ALK: variants seen among roughly 807,000 people sequenced by gnomAD.
ALK encodes ALK tyrosine kinase receptor.
Under a neutral mutation model 163.1 loss-of-function variants are expected in ALK, and 74 were observed. The ratio of observed to expected loss-of-function variants is 0.45; its 90% CI spans 0.38 to 0.55. ALK has a LOEUF of 0.55. Ranked by LOEUF, ALK falls within the 20% of genes least tolerant of loss-of-function variation. The pLI is 0.00. For missense variants in ALK, 2,063 were observed against 2,105.3 expected, an observed-to-expected ratio of 0.98 and a Z score of 0.39; for synonymous variants, 960 against 843.2, an observed-to-expected ratio of 1.14 and a Z score of -2.40.
intron 3 of ALK, among the ~76,000 whole-genome samples, chr2:29,542,493 A>C (rs1415358802): frequency 6.6e-6 from 1 of 152,162 alleles, no homozygotes; most frequent in Non-Finnish European, 1.5e-5. Context: ...GAATCATTGA[A>C]TATTTGAAAT....
intron 11 of ALK, among the ~76,000 whole-genome samples, chr2:29,262,631 G>T (rs551410159): frequency 8.5e-5 from 13 of 152,356 alleles, no homozygotes; most frequent in Admixed American, 2.0e-4. Flanking sequence ...CAGAGTGCCT[G>T]ATAATGCTGA....
At chr2:29,578,274 G>C (rs1032797806) in intron 3 of ALK, among the ~76,000 whole-genome samples, 1 of 152,146 alleles carries the variant, frequency 6.6e-6, no homozygotes, top group Admixed American at 6.5e-5. Context: ...TAATTGTGAG[G>C]CCTCCCCAGC....
intron 4 of ALK, among the ~76,000 whole-genome samples, chr2:29,478,110 G>C (rs1671572255): frequency 6.6e-6 from 1 of 152,214 alleles, no homozygotes; most frequent in Non-Finnish European, 1.5e-5. Flanking sequence ...CCCCAGGTTT[G>C]CTGCCTGTGG....
intron 2 of ALK, among the ~76,000 whole-genome samples, chr2:29,709,382 G>C (rs149460759): frequency 3.3e-5 from 5 of 152,154 alleles, no homozygotes; most frequent in Admixed American, 6.5e-5. Flanking sequence ...AAGGCTGTAG[G>C]TTGGGAATTG....
At chr2:29,221,614 T>C (rs74612664) in intron 22 of ALK, among the ~76,000 whole-genome samples, 3,631 of 152,284 alleles carry the variant, frequency 0.024, 68 homozygotes, top group Non-Finnish European at 0.038. Context: ...AGAAAATAAA[T>C]GTTATTTTGT....
intron 11 of ALK, among the ~76,000 whole-genome samples, chr2:29,266,080 A>C (rs934825372): frequency 6.6e-6 from 1 of 152,268 alleles, no homozygotes; most frequent in South Asian, 2.1e-4. Flanking sequence ...AATTTTCGTG[A>C]ACAAGGTTTT....
At chr2:29,805,216 A>T (rs1664577339) in intron 1 of ALK, among the ~76,000 whole-genome samples, 1 of 152,254 alleles carries the variant, frequency 6.6e-6, no homozygotes, top group African/African-American at 2.4e-5. Context: ...CATAACAGAC[A>T]AGGAGTCCTT....
chr2:29,296,214 C>T (rs531257329), intron 9 of ALK, among the ~76,000 whole-genome samples: 9 of 152,312 alleles, frequency 5.9e-5, no homozygotes, highest in African/African-American at 2.2e-4. Context: ...GTCACAGAGG[C>T]CATTAGTGAT....
At chr2:29,863,801 G>A (rs907793020) in intron 1 of ALK, among the ~76,000 whole-genome samples, 1 of 152,134 alleles carries the variant, frequency 6.6e-6, no homozygotes, top group Non-Finnish European at 1.5e-5. Flanking sequence ...AACGAAATCA[G>A]TACGTCAAAG....
chr2:29,435,421 C>T (rs567796873), intron 4 of ALK, among the ~76,000 whole-genome samples: 18 of 151,992 alleles, frequency 1.2e-4, no homozygotes, highest in Non-Finnish European at 1.0e-4. Context: ...ATGCCACCAA[C>T]AAGAGGATAA....
At chr2:29,272,185 G>GGAGGGAGAGAGAGA (rs1553402255) in intron 11 of ALK, among the ~76,000 whole-genome samples, 47 of 145,238 alleles carry the variant, frequency 3.2e-4, no homozygotes, top group Middle Eastern at 3.6e-3. Flanking sequence ...GTCGGGTGAG[G>GGAGGGAGAGAGAGA]GAGAGAGAGA....
intron 3 of ALK, among the ~76,000 whole-genome samples, chr2:29,616,244 G>C (rs1255063587): frequency 1.3e-5 from 2 of 152,200 alleles, no homozygotes; most frequent in African/African-American, 4.8e-5. Context: ...GTTGGGATTT[G>C]AAGATAGTCA....
intron 1 of ALK, among the ~76,000 whole-genome samples, chr2:29,908,959 A>C (rs959697816): frequency 1.3e-5 from 2 of 152,146 alleles, no homozygotes; most frequent in Non-Finnish European, 2.9e-5. Flanking sequence ...AGAAAAAAAA[A>C]CTAAACCAAT....
chr2:29,373,893 C>T (rs1307619113), intron 5 of ALK, among the ~76,000 whole-genome samples: 2 of 152,222 alleles, frequency 1.3e-5, no homozygotes, highest in South Asian at 4.1e-4. Flanking sequence ...GGACTCTGTG[C>T]ACCCAGTGAC....
At chr2:29,662,104 G>A (rs1677365936) in intron 3 of ALK, among the ~76,000 whole-genome samples, 1 of 152,068 alleles carries the variant, frequency 6.6e-6, no homozygotes, top group African/African-American at 2.4e-5. Flanking sequence ...CAGGGACGGG[G>A]TTTCACAATG....
At chr2:29,695,297 G>A (rs941882888) in intron 2 of ALK, among the ~76,000 whole-genome samples, 1 of 152,232 alleles carries the variant, frequency 6.6e-6, no homozygotes, top group Non-Finnish European at 1.5e-5. Context: ...TCTGCATCTT[G>A]TGAAGTTACC....
At chr2:29,474,171 C>T (rs1427111545) in intron 4 of ALK, among the ~76,000 whole-genome samples, 1 of 152,134 alleles carries the variant, frequency 6.6e-6, no homozygotes, top group Non-Finnish European at 1.5e-5. Context: ...TAGTCTGCAA[C>T]AACAACAAAA....
intron 11 of ALK, among the ~76,000 whole-genome samples, chr2:29,266,463 C>T (rs1282257623): frequency 6.6e-6 from 1 of 152,150 alleles, no homozygotes; most frequent in Non-Finnish European, 1.5e-5. Flanking sequence ...AGTGAATTGG[C>T]CCATCTTTTT....
At chr2:29,203,894 C>T (rs1010658285) in intron 26 of ALK, among the ~76,000 whole-genome samples, 3 of 151,912 alleles carry the variant, frequency 2.0e-5, no homozygotes, top group Non-Finnish European at 1.5e-5. Context: ...TGTCTTTATT[C>T]TCTTCATTTC....
Sources: gnomAD v4.1 joint callset for allele counts (sites outside exome capture counted in the v4.1 genomes callset) on GRCh38, gnomAD v4.1.1 for gene constraint, MANE v1.5 for transcripts, NCBI Gene and HGNC (gene_info 2026-07-23, HGNC 2026-07-21) for gene names.